Variants in TRHR observed in about 807,000 individuals in gnomAD.
The protein encoded by TRHR is thyrotropin releasing hormone receptor.
TRHR carries 14 observed loss-of-function variants against 28.0 expected under a neutral mutation model. That is an observed-to-expected ratio of 0.50 (90% CI 0.33 to 0.78). The LOEUF is 0.78. TRHR is among the 30% of genes least tolerant of loss of function. The pLI, the probability that TRHR is intolerant of heterozygous loss-of-function variation, is 0.02. For synonymous variants in TRHR, 176 were observed against 171.9 expected (o/e 1.02, Z -0.18); for missense variants, 438 against 469.5 (o/e 0.93, Z 0.62).
intron 2 of TRHR, among the ~76,000 whole-genome samples, chr8:109,113,637 T>C (rs1310071761): frequency 6.6e-6 from 1 of 152,100 alleles, no homozygotes; most frequent in Non-Finnish European, 1.5e-5. Flanking sequence ...ATTTATTAAT[T>C]GTGACTAATC....
intron 2 of TRHR, among the ~76,000 whole-genome samples, chr8:109,089,264 G>A (rs1811489823): frequency 6.6e-6 from 1 of 150,678 alleles, no homozygotes; most frequent in Non-Finnish European, 1.5e-5. Flanking sequence ...GCTGAAAAAA[G>A]AAATCTAAAC....
At chr8:109,093,253 G>T (rs1047567097) in intron 2 of TRHR, among the ~76,000 whole-genome samples, 1 of 151,408 alleles carries the variant, frequency 6.6e-6, no homozygotes, top group Non-Finnish European at 1.5e-5. Flanking sequence ...TCCCCACCTC[G>T]CTGGGCACCC....
chr8:109,118,736 GCTGGCATTCATT>G (rs1360681885), intron 2 of TRHR, among the ~76,000 whole-genome samples: 1 of 151,858 alleles, frequency 6.6e-6, no homozygotes, highest in African/African-American at 2.4e-5. Context: ...ATGAATGGAC[GCTGGCATTCATT>G]CTCTTACTTC....
At chr8:109,109,533 TC>T (rs1811798727) in intron 2 of TRHR, among the ~76,000 whole-genome samples, 1 of 152,184 alleles carries the variant, frequency 6.6e-6, no homozygotes, top group South Asian at 2.1e-4. Flanking sequence ...TTATCTTTCT[TC>T]CTTTAATCTG....
Position 109,119,301 on chromosome 8 carries a change from A to G in TRHR, c.1043A>G (p.Tyr348Cys). Residue 348 changes from tyrosine (Y) to cysteine (C), a missense_variant, in exon 3 of 3, where the codon TAC becomes TGC. Physicochemically the swap from Tyr to Cys is radical, Grantham distance 194. Transcript: ENST00000518632. ...KQKPTEKPAN[Y>C]SVALNYSVIK... is the part of the protein sequence containing the mutation. ...AAGCCAACAGAGAAACCTGCTAACT[A>G]CAGTGTGGCCCTAAATTACAGCGTC... 5 of 1,612,692 alleles carry G rather than the reference A, an allele frequency of 3.1e-6. No individual in the cohort carries two copies. Among genetic ancestry groups the G allele is most frequent in the Non-Finnish European group, 4.2e-6 (5 of 1,179,192 alleles).
At chr8:109,115,690 C>A (rs1343501036) in intron 2 of TRHR, among the ~76,000 whole-genome samples, 1 of 152,164 alleles carries the variant, frequency 6.6e-6, no homozygotes, top group Non-Finnish European at 1.5e-5. Context: ...TGCTTATCAG[C>A]TTCAGGAGAT....
intron 2 of TRHR, among the ~76,000 whole-genome samples, chr8:109,114,372 T>G (rs184684245): frequency 6.6e-6 from 1 of 152,204 alleles, no homozygotes; most frequent in African/African-American, 2.4e-5. Flanking sequence ...GGCTGCCTGC[T>G]TCTGTGTTGA....
intron 2 of TRHR, among the ~76,000 whole-genome samples, chr8:109,111,365 G>C (rs1811828085): frequency 6.6e-6 from 1 of 152,084 alleles, no homozygotes; most frequent in African/African-American, 2.4e-5. Flanking sequence ...TGATCACTTT[G>C]CTGAGGGCCA....
chr8:109,100,605 A>G (rs544301069), intron 2 of TRHR, among the ~76,000 whole-genome samples: 5 of 152,330 alleles, frequency 3.3e-5, no homozygotes, highest in South Asian at 2.1e-4. Flanking sequence ...CAGGGACTTT[A>G]TTAGCCATTA....
At chr8:109,108,586 T>C (rs1811785476) in intron 2 of TRHR, among the ~76,000 whole-genome samples, 1 of 152,060 alleles carries the variant, frequency 6.6e-6, no homozygotes, top group Non-Finnish European at 1.5e-5. Context: ...TTAAGAAAAT[T>C]AAAGCAAGCT....
intron 2 of TRHR, among the ~76,000 whole-genome samples, chr8:109,092,852 A>G (rs73309599): frequency 0.024 from 3,645 of 152,260 alleles, 149 homozygotes; most frequent in African/African-American, 0.083. Flanking sequence ...AGGAATAGGC[A>G]AAAGCCATCT....
rs1811976866 is a variant in TRHR at position 109,119,647 on chromosome 8, T to A, written c.*192T>A. 2 of 618,794 alleles carry A rather than the reference T, an allele frequency of 3.2e-6. No homozygotes were observed. The highest frequency in any genetic ancestry group is 5.5e-6 in the Non-Finnish European group (2 of 363,732). 38.3% of individuals were successfully genotyped at this position (618,794 alleles called of 1,614,324 possible). A position where few individuals can be genotyped will look rare whatever the true frequency, so the allele number is the denominator to read the frequency against. On this transcript the variant is annotated 3_prime_UTR_variant, in exon 3 of 3. Coordinates refer to ENST00000518632, the MANE Select transcript of TRHR (RefSeq NM_003301.7). ...AGACTTTCCTTCTTACAAACTAATA[T>A]CACTAAAAATGGAGCAGATCTGTGA...
intron 2 of TRHR, among the ~76,000 whole-genome samples, chr8:109,092,107 A>T (rs1039286229): frequency 3.3e-5 from 5 of 152,220 alleles, no homozygotes; most frequent in African/African-American, 7.2e-5. Context: ...TCAAATATGT[A>T]CTTTCTACAG....
chr8:109,114,746 TA>T (rs1453634485), intron 2 of TRHR, among the ~76,000 whole-genome samples: 1 of 152,078 alleles, frequency 6.6e-6, no homozygotes, highest in East Asian at 1.9e-4. Flanking sequence ...AAGCCCCTGC[TA>T]ATGACTTCTC....
intron 2 of TRHR, 106 bp from the exon 3 acceptor site, chr8:109,118,942 G>T: frequency 1.4e-6 from 2 of 1,413,268 alleles, no homozygotes; most frequent in Non-Finnish European, 1.0e-6. Context: ...CTAACTCCTT[G>T]TCTCAGACTA....
rs571601268 is a variant in TRHR at position 109,121,044 on chromosome 8, T to C, written c.*1589T>C. Among the ~76,000 whole-genome samples the C allele has an allele frequency of 5.4e-4, 82 of 150,750 alleles. 1 individual carries two copies. Among genetic ancestry groups the C allele is most frequent in the Middle Eastern group, 3.4e-3 (1 of 290 alleles). ...AAACTTGTTTTTACGTGCTGTTTCA[T>C]GGAGACTATGCTATCCAGAACCTCA... On this transcript the variant is annotated 3_prime_UTR_variant, in exon 3 of 3. Transcript: ENST00000518632.
chr8:109,091,214 T>C (rs1811513423), intron 2 of TRHR, among the ~76,000 whole-genome samples: 1 of 152,042 alleles, frequency 6.6e-6, no homozygotes, highest in Non-Finnish European at 1.5e-5. Context: ...GTAAAGAGTA[T>C]ACCAGAAAGA....
intron 2 of TRHR, among the ~76,000 whole-genome samples, chr8:109,116,478 G>A (rs1811923367): frequency 6.6e-6 from 1 of 151,990 alleles, no homozygotes. Flanking sequence ...CTCAATTTCA[G>A]AGCCTGTTAT....
At chr8:109,091,375 A>G (rs7004458) in intron 2 of TRHR, among the ~76,000 whole-genome samples, 20,767 of 152,256 alleles carry the variant, frequency 0.14, 1,652 homozygotes, top group African/African-American at 0.21. Context: ...CTAGTTTTGT[A>G]CAAAATTAGT....
Sources: gnomAD v4.1 joint callset for allele counts (sites outside exome capture counted in the v4.1 genomes callset) on GRCh38, gnomAD v4.1.1 for gene constraint, MANE v1.5 for transcripts, NCBI Gene and HGNC (gene_info 2026-07-23, HGNC 2026-07-21) for gene names.